The following VPS37B variants were observed in gnomAD, a reference collection of about 807,000 sequenced individuals.
VPS37B encodes the protein vacuolar protein sorting-associated protein 37B.
A neutral mutation model predicts 21.2 loss-of-function variants in VPS37B; 11 were observed. The observed-to-expected ratio is 0.52, with a 90% CI of 0.33 to 0.86. VPS37B has a LOEUF of 0.86. Ranked by LOEUF, VPS37B falls within the 40% of genes least tolerant of loss-of-function variation. The pLI, the probability that VPS37B is intolerant of heterozygous loss-of-function variation, is 0.03. For synonymous variants in VPS37B, 175 were observed against 159.6 expected (o/e 1.10, Z -0.73); for missense variants, 389 against 374.8 (o/e 1.04, Z -0.31).
rs369220703 is a variant in VPS37B at position 122,869,121 on chromosome 12, GT to G, written c.284-560del. ...AGACCCTGCTCAGGTCTGTGAATCAGTTCGTTTCTTTCCAATGCTGTGTAGT... is the reference window on the plus strand; with the variant it reads ...AGACCCTGCTCAGGTCTGTGAATCAGTCGTTTCTTTCCAATGCTGTGTAGT... On this transcript the variant is annotated intron_variant, in intron 2 of 3. Transcript: ENST00000267202. 2.4e-3 allele frequency among the ~76,000 whole-genome samples: 363 copies of G among 152,316 alleles called. 2 individuals are homozygous for G. Among genetic ancestry groups the G allele is most frequent in the African/African-American group, 8.3e-3 (346 of 41,564 alleles).
chr12:122,877,082 C>G (rs192662198), intron 1 of VPS37B: 1 of 152,346 alleles, frequency 6.6e-6, no homozygotes, highest in East Asian at 1.9e-4. Context: ...CATTTCCAAG[C>G]TAAATCTTCT....
rs1403070097 is a variant in VPS37B at position 122,865,343 on chromosome 12, T to C, written c.*1773A>G. ...GTGACAGGCCTGTTATTAATAATTC[T>C]CTATTTATTAAAAAGGGTCCTACAG... On this transcript the variant is annotated 3_prime_UTR_variant, in exon 4 of 4. Transcript: ENST00000267202. 2 of 152,252 alleles carry C rather than the reference T, an allele frequency of 1.3e-5. No individual in the cohort carries two copies. Among genetic ancestry groups the C allele is most frequent in the Non-Finnish European group, 2.9e-5 (2 of 68,044 alleles). 9.4% of individuals were successfully genotyped at this position (152,252 alleles called of 1,614,324 possible). A position where few individuals can be genotyped will look rare whatever the true frequency, so the allele number is the denominator to read the frequency against.
intron 1 of VPS37B, among the ~76,000 whole-genome samples, chr12:122,894,194 G>T (rs1358661902): frequency 6.6e-6 from 1 of 152,156 alleles, no homozygotes; most frequent in Non-Finnish European, 1.5e-5. Flanking sequence ...ACTAAGCAAA[G>T]ATTTTTTCTT....
chr12:122,896,118 C>A lies in VPS37B; in HGVS notation c.-56G>T. ...GCTGCGGCCACCAGGCTCCGCCGAC[C>A]GGAAGCGCCGCCCTCAAGGGCCGCC... On this transcript the variant is annotated 5_prime_UTR_variant, in exon 1 of 4. Coordinates refer to ENST00000267202, the MANE Select transcript of VPS37B (RefSeq NM_024667.3). 1 of 1,421,876 alleles carries A rather than the reference C, an allele frequency of 7.0e-7. No individual in the cohort carries two copies. The highest frequency in any genetic ancestry group is 9.2e-7 in the Non-Finnish European group (1 of 1,085,264). The allele number at this position is 1,421,876 out of a possible 1,614,324, so 88.1% of individuals were successfully genotyped here. A position where few individuals can be genotyped will look rare whatever the true frequency, so the allele number is the denominator to read the frequency against.
At chr12:122,893,021 A>G (rs565046984) in intron 1 of VPS37B, among the ~76,000 whole-genome samples, 3 of 149,434 alleles carry the variant, frequency 2.0e-5, no homozygotes, top group South Asian at 2.1e-4. Flanking sequence ...AGATTGTACT[A>G]CTGCACTCCA....
chr12:122,879,857 C>T (rs2034218402), intron 1 of VPS37B: 1 of 152,102 alleles, frequency 6.6e-6, no homozygotes, highest in Non-Finnish European at 1.5e-5. Flanking sequence ...CGCCTATAAT[C>T]CCAGCACTTT....
At chr12:122,877,540 C>T (rs2034173981) in intron 1 of VPS37B, 1 of 152,198 alleles carries the variant, frequency 6.6e-6, no homozygotes. Context: ...AGCCACTGCG[C>T]CCAGCCACAA....
chr12:122,877,505 C>T (rs2034172872), intron 1 of VPS37B: 1 of 152,236 alleles, frequency 6.6e-6, no homozygotes, highest in African/African-American at 2.4e-5. Context: ...CCTCAGCCTC[C>T]CAAAGTGCTG....
chr12:122,880,781 G>A (rs917417565), intron 1 of VPS37B: 8 of 152,142 alleles, frequency 5.3e-5, no homozygotes, highest in African/African-American at 1.9e-4. Context: ...ACAGTGGTTG[G>A]CCCATTCATC....
At chr12:122,875,660 G>T (rs1454926730) in intron 1 of VPS37B, 1 of 152,008 alleles carries the variant, frequency 6.6e-6, no homozygotes, top group Non-Finnish European at 1.5e-5. Flanking sequence ...AATTGGCCAG[G>T]ACAGGCCCGG....
intron 1 of VPS37B, among the ~76,000 whole-genome samples, chr12:122,891,817 C>T (rs1446667819): frequency 1.3e-5 from 2 of 152,218 alleles, no homozygotes; most frequent in Non-Finnish European, 2.9e-5. Flanking sequence ...CACCCGAACA[C>T]GCCTTAGGGA....
intron 2 of VPS37B, 198 bp downstream of exon 2, chr12:122,870,692 T>C: frequency 1.9e-6 from 1 of 532,684 alleles, no homozygotes; most frequent in Non-Finnish European, 3.1e-6. Context: ...GTTGCGCCAC[T>C]GCACTCCAGT....
intron 1 of VPS37B, chr12:122,886,280 T>C (rs1290186701): frequency 6.6e-6 from 1 of 152,224 alleles, no homozygotes; most frequent in African/African-American, 2.4e-5. Context: ...CGAGAAATAC[T>C]GTGTAGGCTG....
rs367918670 is a variant in VPS37B, at chr12:122,867,203, C to T, written c.771G>A (p.Ser257=). 3.7e-5 allele frequency: 58 copies of T among 1,573,508 alleles called. No homozygotes were observed. The highest frequency in any genetic ancestry group is 3.5e-4 in the Middle Eastern group (2 of 5,708). Residue 257 remains serine (S), a synonymous_variant, in exon 4 of 4, where the codon TCG becomes TCA. Coordinates refer to ENST00000267202, the MANE Select transcript of VPS37B (RefSeq NM_024667.3). This position sits in a 1 kb window ranked among gnomAD's most constrained non-coding sequence, Gnocchi z 5.5. ...VGLPTQQGFS[S]QFVSPYPPPL... ...GTGGCGGATATGGGGACACGAACTGCGAAGAGAATCCTTGCTGAGTGGGGA... is the reference window on the plus strand; with the variant it reads ...GTGGCGGATATGGGGACACGAACTGTGAAGAGAATCCTTGCTGAGTGGGGA...
chr12:122,871,823 G>A (rs570236105), intron 1 of VPS37B: 9 of 980,672 alleles, frequency 9.2e-6, no homozygotes, highest in East Asian at 1.1e-4. Context: ...AAGGCAAAAC[G>A]CTCCTAGCAA....
At chr12:122,882,153 C>T (rs1317069467) in intron 1 of VPS37B, 2 of 152,022 alleles carry the variant, frequency 1.3e-5, no homozygotes. Context: ...ACATGAAATA[C>T]AGTTTATATA....
chr12:122,892,365 G>A (rs1354328495), intron 1 of VPS37B, among the ~76,000 whole-genome samples: 1 of 152,078 alleles, frequency 6.6e-6, no homozygotes, highest in Non-Finnish European at 1.5e-5. Context: ...CAATGTAAGT[G>A]ACGCATAATG....
rs758146488 is a variant in VPS37B, at chr12:122,867,114, G to GCT, written c.858_*1dup. 27 of 1,522,556 alleles carry GCT rather than the reference G, an allele frequency of 1.8e-5. No individual in the cohort carries two copies. In the African/African-American group the frequency reaches 3.5e-4, roughly 20 times the overall value. 94.3% of individuals were successfully genotyped at this position (1,522,556 alleles called of 1,614,324 possible). On this transcript the variant is annotated 3_prime_UTR_variant, in exon 4 of 4. Transcript: ENST00000267202. This position sits in a 1 kb window ranked among gnomAD's most constrained non-coding sequence, Gnocchi z 5.5. The stretch of plus-strand genomic sequence containing the variant: ...GTCTCCCGGGAAGGACCGCGCCGGC[G>GCT]CTCACTGGAGGATGAAACCCGGCTG...
chr12:122,872,859 T>G (rs561424790), intron 1 of VPS37B: 60 of 260,036 alleles, frequency 2.3e-4, no homozygotes, highest in African/African-American at 1.3e-3. Flanking sequence ...TTGTAACAAC[T>G]AAAATCTGGA....
Sources: gnomAD v4.1 joint callset for allele counts (sites outside exome capture counted in the v4.1 genomes callset) on GRCh38, gnomAD v4.1.1 for gene constraint, Gnocchi (gnomAD v3.1) non-coding constraint, MANE v1.5 for transcripts, NCBI Gene and HGNC (gene_info 2026-07-23, HGNC 2026-07-21) for gene names.